The following SRCIN1 variants were observed in gnomAD, a reference collection of about 807,000 sequenced individuals.
SRCIN1 encodes the protein SRC kinase signaling inhibitor 1.
A neutral mutation model predicts 116.2 loss-of-function variants in SRCIN1; 50 were observed. The ratio of observed to expected loss-of-function variants is 0.43; its 90% CI spans 0.34 to 0.54. The LOEUF is 0.54. Among genes scored for constraint, SRCIN1 ranks in the 20% least tolerant of loss-of-function variants. The pLI is 0.02. For missense variants in SRCIN1, 1,446 were observed against 1,672.0 expected (o/e 0.86, Z 2.36); for synonymous variants, 736 against 750.0 (o/e 0.98, Z 0.30).
At position 38,604,464 on chromosome 17, in the gene SRCIN1, C is replaced by A; in HGVS notation, c.22+1220G>T. The stretch of plus-strand genomic sequence containing the variant: ...GAAGATCCCCCTCCTTGCATACTTC[C>A]CCGCGCCTGCTCACCTGGCTCCCCT... On this transcript the variant is annotated intron_variant, in intron 1 of 18. Coordinates refer to ENST00000617146, the MANE Select transcript of SRCIN1 (RefSeq NM_025248.3). The surrounding 1 kb of genome is among the most constrained non-coding windows in gnomAD (Gnocchi z 4.3). The A allele has an allele frequency of 2.2e-6, 1 of 453,064 alleles. No individual in the cohort carries two copies. The highest frequency in any genetic ancestry group is 4.4e-6 in the Non-Finnish European group (1 of 225,448). 28.1% of individuals were successfully genotyped at this position (453,064 alleles called of 1,614,324 possible).
At chr17:38,605,613 C>A in intron 1 of SRCIN1, 71 bp downstream of exon 1, 1 of 1,294,116 alleles carries the variant, frequency 7.7e-7, no homozygotes, top group Non-Finnish European at 1.0e-6. Context: ...GGGGAAAACA[C>A]ACAAAGAAAA....
rs1056594603 is a variant in SRCIN1, at chr17:38,585,966, C to T, written c.23-7175G>A. Among the ~76,000 whole-genome samples, 1 of 152,076 alleles carries T rather than the reference C, an allele frequency of 6.6e-6. No homozygotes were observed. Among genetic ancestry groups the T allele is most frequent in the African/African-American group, 2.4e-5 (1 of 41,398 alleles). On this transcript the variant is annotated intron_variant, in intron 1 of 18. Transcript: ENST00000617146. This position sits in a 1 kb window ranked among gnomAD's most constrained non-coding sequence, Gnocchi z 4.2. The stretch of plus-strand genomic sequence containing the variant: ...TCCCCACGGTGATCCCCACTCCCTG[C>T]CAGCCCAGCCCCACCCCCTGAATGT...
At chr17:38,566,659 C>G (rs994680207) in intron 3 of SRCIN1, among the ~76,000 whole-genome samples, 17 of 152,200 alleles carry the variant, frequency 1.1e-4, no homozygotes, top group African/African-American at 4.1e-4. Context: ...CCCATATTCA[C>G]TGAACCAGAA....
At chr17:38,543,454 G>A (rs550008687) in intron 18 of SRCIN1, among the ~76,000 whole-genome samples, 7 of 152,222 alleles carry the variant, frequency 4.6e-5, no homozygotes, top group Admixed American at 6.5e-5. Flanking sequence ...GCACCCCAGG[G>A]TAGGCCAGGC....
Position 38,562,454 on chromosome 17 carries a change from A to C in SRCIN1, c.835-126T>G. ...CCCTTCTGCTCTCTGCCCTCCCTCC[A>C]TCCTGCTGCGTCTAGGGTCCCTTTC... On this transcript the variant is annotated intron_variant, in intron 6 of 18. Transcript: ENST00000617146. The surrounding 1 kb of genome is among the most constrained non-coding windows in gnomAD (Gnocchi z 4.2). 3.5e-6 allele frequency: 4 copies of C among 1,131,020 alleles called. No individual in the cohort carries two copies. The highest frequency in any genetic ancestry group is 4.7e-6 in the Non-Finnish European group (4 of 845,710). The allele number at this position is 1,131,020 out of a possible 1,614,324, so 70.1% of individuals were successfully genotyped here.
intron 11 of SRCIN1, among the ~76,000 whole-genome samples, chr17:38,553,457 C>T (rs2143117985): frequency 6.6e-6 from 1 of 152,188 alleles, no homozygotes; most frequent in South Asian, 2.1e-4. Context: ...TTCTATTCTG[C>T]CAAGGAAGCA....
At chr17:38,551,044 C>T in intron 15 of SRCIN1, 111 bp downstream of exon 15, 1 of 581,246 alleles carries the variant, frequency 1.7e-6, no homozygotes, top group Non-Finnish European at 3.0e-6. Flanking sequence ...CCTTGTGTGG[C>T]AGCCCAACCA....
At chr17:38,601,734 C>G (rs2143469671) in intron 1 of SRCIN1, among the ~76,000 whole-genome samples, 1 of 152,214 alleles carries the variant, frequency 6.6e-6, no homozygotes, top group African/African-American at 2.4e-5. Context: ...TGGCACCTGA[C>G]AGACCATAAT....
At chr17:38,594,344 G>T (rs1908601930) in intron 1 of SRCIN1, among the ~76,000 whole-genome samples, 2 of 152,232 alleles carry the variant, frequency 1.3e-5, no homozygotes, top group African/African-American at 4.8e-5. Context: ...TCTGCAGATT[G>T]TCTCAGAGCA....
Position 38,563,510 on chromosome 17 carries a change from G to A in SRCIN1, c.553C>T (p.Leu185=), listed in dbSNP as rs750115074. ...CGCCGAGTCTCCTCCCCGAACTGCAGGAACAGCACCCCTGCGAAGGAGACG... is the reference window on the plus strand; with the variant it reads ...CGCCGAGTCTCCTCCCCGAACTGCAAGAACAGCACCCCTGCGAAGGAGACG... ...TKLRSPGVLF[L]QFGEETRRVH... is the part of the protein sequence containing the mutation. The change falls in exon 5 of 19, where the codon CTG becomes TTG. Residue 185 remains leucine (L), a synonymous_variant. Coordinates refer to ENST00000617146, the MANE Select transcript of SRCIN1 (RefSeq NM_025248.3). This position sits in a 1 kb window ranked among gnomAD's most constrained non-coding sequence, Gnocchi z 5.8. The A allele has an allele frequency of 6.4e-7, 1 of 1,550,716 alleles. No individual in the cohort carries two copies. Among genetic ancestry groups the A allele is most frequent in the Non-Finnish European group, 8.7e-7 (1 of 1,147,424 alleles).
chr17:38,565,951 G>A (rs2143227597), intron 3 of SRCIN1, among the ~76,000 whole-genome samples: 1 of 152,302 alleles, frequency 6.6e-6, no homozygotes, highest in East Asian at 1.9e-4. Flanking sequence ...CTGACCACCA[G>A]TGCCAGCCCA....
upstream of SRCIN1, among the ~76,000 whole-genome samples, chr17:38,606,667 G>T (rs966554521): frequency 2.0e-5 from 3 of 152,164 alleles, no homozygotes; most frequent in Non-Finnish European, 4.4e-5. This position sits in a 1 kb window ranked among gnomAD's most constrained non-coding sequence, Gnocchi z 5.2. Flanking sequence ...TCGCTTGGCG[G>T]CGTCACTGCC....
intron 1 of SRCIN1, among the ~76,000 whole-genome samples, chr17:38,595,888 T>C (rs912688629): frequency 1.3e-5 from 2 of 152,090 alleles, no homozygotes; most frequent in Non-Finnish European, 2.9e-5. Context: ...CCAGCCAAAG[T>C]GCCCCCCCCA....
chr17:38,578,475 C>T lies in SRCIN1; in HGVS notation c.324+15G>A. The T allele has an allele frequency of 6.4e-7, 1 of 1,562,586 alleles. No homozygotes were observed. Among genetic ancestry groups the T allele is most frequent in the South Asian group, 1.2e-5 (1 of 85,578 alleles). On this transcript the variant is annotated intron_variant, in intron 2 of 18. Transcript: ENST00000617146. The stretch of plus-strand genomic sequence containing the variant: ...CCGCGGCCGCAGCCGCAGCCGCAGC[C>T]GGGAGCCCACTCACCTGCTCTCGCA...
intron 2 of SRCIN1, among the ~76,000 whole-genome samples, chr17:38,576,475 G>A (rs562935317): frequency 6.6e-6 from 1 of 151,998 alleles, no homozygotes; most frequent in East Asian, 1.9e-4. Flanking sequence ...AACATCATGG[G>A]CTTTCTCCCT....
At chr17:38,574,750 C>T (rs1308412949) in intron 2 of SRCIN1, 2 of 398,330 alleles carry the variant, frequency 5.0e-6, no homozygotes, top group Non-Finnish European at 8.9e-6. Flanking sequence ...AATAGGGGCT[C>T]CTACACCAAA....
At position 38,585,249 on chromosome 17, in the gene SRCIN1, G is replaced by T. The variant is rs1397462928; in HGVS notation, c.23-6458C>A. Among the ~76,000 whole-genome samples, 1 of 152,132 alleles carries T rather than the reference G, an allele frequency of 6.6e-6. No individual in the cohort carries two copies. Among genetic ancestry groups the T allele is most frequent in the African/African-American group, 2.4e-5 (1 of 41,426 alleles). On this transcript the variant is annotated intron_variant, in intron 1 of 18. Transcript: ENST00000617146. This position sits in a 1 kb window ranked among gnomAD's most constrained non-coding sequence, Gnocchi z 4.2. Reference sequence around the variant, plus strand: ...AGCTGGAAGGGTGGAGGACCTGCCTGCCTTAGGCCACACCCACACACACAC... The same window carrying T: ...AGCTGGAAGGGTGGAGGACCTGCCTTCCTTAGGCCACACCCACACACACAC...
At chr17:38,550,220 C>T (rs549656513) in intron 15 of SRCIN1, among the ~76,000 whole-genome samples, 11 of 152,280 alleles carry the variant, frequency 7.2e-5, no homozygotes, top group Admixed American at 3.3e-4. Flanking sequence ...TGAGGCCAGG[C>T]GTGGTGGCTC....
chr17:38,600,295 C>T lies in SRCIN1; in HGVS notation c.22+5389G>A, dbSNP rs142498240. Among the ~76,000 whole-genome samples the T allele has an allele frequency of 1.7e-3, 258 of 152,320 alleles. 1 individual carries two copies. Among genetic ancestry groups the T allele is most frequent in the African/African-American group, 5.8e-3 (242 of 41,584 alleles). On this transcript the variant is annotated intron_variant, in intron 1 of 18. Coordinates refer to ENST00000617146, the MANE Select transcript of SRCIN1 (RefSeq NM_025248.3). ...GACGGGGTAGATATGTAGGTAAAAG[C>T]GACCAAGGCATGCGAAGAGGCTCTG... is the stretch of plus-strand genomic sequence containing the variant.
Sources: gnomAD v4.1 joint callset for allele counts (sites outside exome capture counted in the v4.1 genomes callset) on GRCh38, gnomAD v4.1.1 for gene constraint, Gnocchi (gnomAD v3.1) non-coding constraint, MANE v1.5 for transcripts, NCBI Gene and HGNC (gene_info 2026-07-23, HGNC 2026-07-21) for gene names.